Variants in CCNH observed in about 807,000 individuals in gnomAD.
The protein encoded by CCNH is cyclin H.
CCNH carries 31 observed loss-of-function variants against 41.9 expected under a neutral mutation model. The ratio of observed to expected loss-of-function variants is 0.74; its 90% CI spans 0.56 to 1.00. The LOEUF (loss-of-function observed/expected upper bound fraction) is 1.00. CCNH is among the 50% of genes least tolerant of loss of function. The pLI is 0.00. For missense variants in CCNH, 362 were observed against 388.4 expected (o/e 0.93, Z 0.57); for synonymous variants, 138 against 136.1 (o/e 1.01, Z -0.10).
chr5:87,332,674 CTTTATT>C (rs763439787), intron 9 of CCNH: 27 of 1,581,310 alleles, frequency 1.7e-5, no homozygotes, highest in Non-Finnish European at 2.2e-5. Context: ...TCTTTCAAAA[CTTTATT>C]TTTTCAGTAC....
At chr5:87,327,223 CTG>C (rs1054474773) in intron 9 of CCNH, among the ~76,000 whole-genome samples, 1 of 152,160 alleles carries the variant, frequency 6.6e-6, no homozygotes, top group African/African-American at 2.4e-5. Context: ...GATGAGGAAA[CTG>C]AGGCTCAGAG....
intron 9 of CCNH, chr5:87,363,515 G>T: frequency 1.2e-6 from 2 of 1,607,972 alleles, no homozygotes; most frequent in South Asian, 2.2e-5. Flanking sequence ...GTAAGAGACT[G>T]GTTTCCTATT....
At chr5:87,398,185 G>A (rs936789586) in intron 7 of CCNH, among the ~76,000 whole-genome samples, 5 of 152,090 alleles carry the variant, frequency 3.3e-5, no homozygotes, top group African/African-American at 7.2e-5. Flanking sequence ...ATGCTTTGTC[G>A]TTATACCTAT....
chr5:87,324,176 T>C lies in CCNH; in HGVS notation c.*91-5279A>G, dbSNP rs536290107. ...TGAAGTTCTAAGAAAAACCCAACTA[T>C]AAGAATTGATACTGTTTTGAGGATT... On this transcript the variant is annotated intron_variant and NMD_transcript_variant, in intron 9 of 9. Coordinates refer to the CCNH transcript ENST00000645953. Among the ~76,000 whole-genome samples, 3 of 152,318 alleles carry C rather than the reference T, an allele frequency of 2.0e-5. No homozygotes were observed. The South Asian group carries it at 6.2e-4, about 32-fold the overall frequency.
intron 9 of CCNH, chr5:87,341,386 A>G: frequency 8.6e-7 from 1 of 1,160,530 alleles, no homozygotes; most frequent in South Asian, 2.8e-5. Flanking sequence ...TAATTGGAAA[A>G]CTTTGGCCAA....
chr5:87,397,695 T>C (rs1763076605), intron 7 of CCNH, among the ~76,000 whole-genome samples: 1 of 152,238 alleles, frequency 6.6e-6, no homozygotes, highest in South Asian at 2.1e-4. Flanking sequence ...CAATCTGGAA[T>C]ACAATGTAAG....
chr5:87,363,280 T>A (rs1309733069), intron 9 of CCNH: 14 of 1,352,714 alleles, frequency 1.0e-5, no homozygotes, highest in Admixed American at 5.4e-5. Context: ...TTAGAAACAC[T>A]AATTTTAATA....
chr5:87,324,956 T>A lies in CCNH; in HGVS notation c.*91-6059A>T, dbSNP rs571723211. Among the ~76,000 whole-genome samples the A allele has an allele frequency of 1.5e-3, 227 of 152,312 alleles. 2 individuals are homozygous for A. Among genetic ancestry groups the A allele is most frequent in the South Asian group, 6.2e-3 (30 of 4,826 alleles). On this transcript the variant is annotated intron_variant and NMD_transcript_variant, in intron 9 of 9. Coordinates refer to the CCNH transcript ENST00000645953. ...AAATCAGTTGCTTTTTTAATTTTTT[T>A]ATTTTTTTTTAACCTTTAGCAGACT...
At chr5:87,339,211 G>A (rs1758259168) in intron 9 of CCNH, among the ~76,000 whole-genome samples, 1 of 151,966 alleles carries the variant, frequency 6.6e-6, no homozygotes, top group Admixed American at 6.6e-5. Context: ...TGCCTATTCT[G>A]GCAACCAAAT....
At chr5:87,380,648 T>A (rs1218262250), upstream of CCNH, 2 of 1,442,808 alleles carry the variant, frequency 1.4e-6, no homozygotes, top group African/African-American at 2.8e-5. Flanking sequence ...TGGATAATTG[T>A]GAAAAATTGA....
chr5:87,354,509 A>C (rs1400754694), intron 9 of CCNH, among the ~76,000 whole-genome samples: 2 of 152,136 alleles, frequency 1.3e-5, no homozygotes, highest in East Asian at 3.9e-4. Flanking sequence ...CGATAAATGT[A>C]GTGTATGTTC....
intron 2 of CCNH, 59 bp downstream of exon 2, chr5:87,411,165 G>A (rs1478173594): frequency 4.0e-6 from 6 of 1,514,806 alleles, no homozygotes; most frequent in Non-Finnish European, 5.3e-6. Flanking sequence ...GAATTTAGAA[G>A]AGGTCAAATT....
downstream of CCNH, among the ~76,000 whole-genome samples, chr5:87,313,958 A>T (rs990959938): frequency 3.3e-5 from 5 of 152,152 alleles, no homozygotes; most frequent in African/African-American, 1.2e-4. Flanking sequence ...ACCTGAGGTC[A>T]GGAGTTTGAG....
At chr5:87,379,959 GAA>G (rs1453267936), upstream of CCNH, 2 of 1,137,480 alleles carry the variant, frequency 1.8e-6, no homozygotes, top group Non-Finnish European at 2.5e-6. Context: ...ATTATACTCT[GAA>G]AAAGTCATGG....
downstream of CCNH, among the ~76,000 whole-genome samples, chr5:87,387,892 A>ATGTT (rs1762174245): frequency 6.6e-6 from 1 of 152,188 alleles, no homozygotes; most frequent in Non-Finnish European, 1.5e-5. Flanking sequence ...TTTTACTATA[A>ATGTT]TGTTTAAGGA....
the CCNH span, among the ~76,000 whole-genome samples, chr5:87,313,218 T>TA: frequency 1.3e-5 from 2 of 152,226 alleles, no homozygotes; most frequent in Non-Finnish European, 1.5e-5. Flanking sequence ...AGTTTAGGTT[T>TA]AAAATATCAC....
At chr5:87,376,305 G>A in exon 1 of CCNH, 1 of 1,457,800 alleles carries the variant, frequency 6.9e-7, no homozygotes, top group Non-Finnish European at 9.5e-7. Context: ...TAACACCATA[G>A]GGAAGACTGA....
At chr5:87,324,799 T>G (rs1757102611) in intron 9 of CCNH, among the ~76,000 whole-genome samples, 1 of 152,156 alleles carries the variant, frequency 6.6e-6, no homozygotes, top group African/African-American at 2.4e-5. Context: ...CTGTTTTGCT[T>G]AGCCTAGTGG....
At chr5:87,378,471 C>T, upstream of CCNH, 1 of 1,612,538 alleles carries the variant, frequency 6.2e-7, no homozygotes, top group Non-Finnish European at 8.5e-7. Flanking sequence ...GCCACTGCTA[C>T]ACAGTTTGTT....
Sources: gnomAD v4.1 joint callset for allele counts (sites outside exome capture counted in the v4.1 genomes callset) on GRCh38, gnomAD v4.1.1 for gene constraint, MANE v1.5 for transcripts, NCBI Gene and HGNC (gene_info 2026-07-23, HGNC 2026-07-21) for gene names.